PRKCD: variants seen among roughly 807,000 people sequenced by gnomAD.
PRKCD encodes protein kinase C delta, also known as protein kinase C delta type.
Under a neutral mutation model 82.2 loss-of-function variants are expected in PRKCD, and 20 were observed. The observed-to-expected ratio is 0.24, with a 90% CI of 0.17 to 0.35. The LOEUF (loss-of-function observed/expected upper bound fraction) is 0.35. PRKCD is among the 10% of genes least tolerant of loss of function. The pLI is 1.00. For missense variants in PRKCD, 607 were observed against 899.0 expected (o/e 0.68, Z 4.15); for synonymous variants, 317 against 337.0 (o/e 0.94, Z 0.65).
chr3:53,162,287 C>T (rs1401879397), intron 1 of PRKCD, among the ~76,000 whole-genome samples: 1 of 151,886 alleles, frequency 6.6e-6, no homozygotes, highest in Non-Finnish European at 1.5e-5. Context: ...GGGGGTCCTC[C>T]TGGCTGGTGG....
chr3:53,185,806 G>A lies in PRKCD; in HGVS notation c.985+106G>A, dbSNP rs782781348. ...CAAGTGAGACATGGAAGGAACCACC[G>A]GTCCTGGGGAGCGAGCCCCTTCCTC... On this transcript the variant is annotated intron_variant, in intron 11 of 18. Coordinates refer to ENST00000330452, the MANE Select transcript of PRKCD (RefSeq NM_006254.4). 6 of 1,516,920 alleles carry A rather than the reference G, an allele frequency of 4.0e-6. No homozygotes were observed. The Admixed American group carries it at 5.0e-5, about 13-fold the overall frequency. The allele number at this position is 1,516,920 out of a possible 1,614,324, so 94.0% of individuals were successfully genotyped here. A position where few individuals can be genotyped will look rare whatever the true frequency, so the allele number is the denominator to read the frequency against.
intron 18 of PRKCD, among the ~76,000 whole-genome samples, chr3:53,191,478 C>T (rs1445331571): frequency 6.6e-6 from 1 of 152,046 alleles, no homozygotes; most frequent in Non-Finnish European, 1.5e-5. Flanking sequence ...CAGTACAAGC[C>T]GAAATGATTG....
In PRKCD at chr3:53,188,113, G is replaced by A. The variant is rs186686581; in HGVS notation, c.1416-607G>A. Among the ~76,000 whole-genome samples, 633 of 148,484 alleles carry A rather than the reference G, an allele frequency of 4.3e-3. 32 individuals carry two copies. The South Asian group carries it at 0.093, about 22-fold the overall frequency. ...TGAGGCAGGAGAATTGCTTGAACCC[G>A]GGAGGCGGAGGTTGCAGTGAGCTGA... On this transcript the variant is annotated intron_variant, in intron 15 of 18. Coordinates refer to ENST00000330452, the MANE Select transcript of PRKCD (RefSeq NM_006254.4).
At chr3:53,186,457 T>TCC in intron 13 of PRKCD, 117 bp downstream of exon 13, 6 of 1,349,338 alleles carry the variant, frequency 4.4e-6, no homozygotes, top group Non-Finnish European at 5.2e-6. Flanking sequence ...GGCCATGCTT[T>TCC]CCCCCCTCAT....
At position 53,192,538 on chromosome 3, in the gene PRKCD, CAT is replaced by C. The variant is rs10600423; in HGVS notation, c.*286_*287del. On this transcript the variant is annotated 3_prime_UTR_variant, in exon 19 of 19. Coordinates refer to ENST00000330452, the MANE Select transcript of PRKCD (RefSeq NM_006254.4). ...TGAAAATATATATTATATACATAGA[CAT>C]ATATATATATATAATAGGCTGTATA... is the stretch of plus-strand genomic sequence containing the variant. 0.22 allele frequency: 38,965 copies of C among 176,160 alleles called. 4,550 individuals carry two copies. Among genetic ancestry groups the C allele is most frequent in the South Asian group, 0.3 (2,163 of 7,136 alleles). 10.9% of individuals were successfully genotyped at this position (176,160 alleles called of 1,614,324 possible). A position where few individuals can be genotyped will look rare whatever the true frequency, so the allele number is the denominator to read the frequency against.
chr3:53,163,338 G>A (rs1702737225), intron 1 of PRKCD, among the ~76,000 whole-genome samples: 1 of 151,764 alleles, frequency 6.6e-6, no homozygotes, highest in African/African-American at 2.4e-5. Context: ...CAAGGTGTGT[G>A]GTGACAGTGC....
intron 1 of PRKCD, among the ~76,000 whole-genome samples, chr3:53,164,812 G>A (rs1263568873): frequency 2.0e-5 from 3 of 152,260 alleles, no homozygotes; most frequent in South Asian, 4.2e-4. Flanking sequence ...ACAGACAGGA[G>A]GGTCAGGAAC....
Position 53,179,716 on chromosome 3 carries a change from C to G in PRKCD, c.255C>G (p.Thr85=). The change falls in exon 4 of 19, where the codon ACC becomes ACG. Residue 85 remains threonine (T), a synonymous_variant. Transcript: ENST00000330452. ...CAGAGGAGCCAGTGTCTGAGGTGAC[C>G]GTGGGTGTGTCGGTGCTGGCCGAGC... is the stretch of plus-strand genomic sequence containing the variant. ...RAAEEPVSEV[T]VGVSVLAERC... is the part of the protein sequence containing the mutation. 1 of 1,605,130 alleles carries G rather than the reference C, an allele frequency of 6.2e-7. No homozygotes were observed. The highest frequency in any genetic ancestry group is 8.5e-7 in the Non-Finnish European group (1 of 1,174,920).
chr3:53,183,347 G>C lies in PRKCD; in HGVS notation c.658-105G>C, dbSNP rs1454687682. On this transcript the variant is annotated intron_variant, in intron 8 of 18. Transcript: ENST00000330452. ...GTCTTTCCTTGCCTCTCCCAGTGGA[G>C]CTCTCTTGGGATGTTGTTGTGCCCA... 6 of 1,577,878 alleles carry C rather than the reference G, an allele frequency of 3.8e-6. No homozygotes were observed. In the East Asian group the frequency reaches 1.3e-4, roughly 35 times the overall value.
Position 53,186,668 on chromosome 3 carries a change from A to T in PRKCD, c.1325A>T (p.Lys442Ile). ...GGDLMYHIQD[K>I]GRFELYRATF... ...GACCTGATGTACCACATCCAGGACA[A>T]AGGCCGCTTTGAACTCTACCGTGCC... Residue 442 changes from lysine (K) to isoleucine (I), a missense_variant, in exon 14 of 19, where the codon AAA (lysine) becomes ATA (isoleucine). Lys to Ile is a moderately radical substitution (Grantham distance 102). This residue lies in a region of PRKCD where 251 missense variants were observed against 423.9 expected (regional missense o/e 0.59). Transcript: ENST00000330452. 1.9e-6 allele frequency: 3 copies of T among 1,614,016 alleles called. No individual in the cohort carries two copies. The highest frequency in any genetic ancestry group is 2.2e-5 in the South Asian group (2 of 91,068).
At chr3:53,184,333 TCAACAACAACAACAACAACAA>T (rs147569297) in intron 9 of PRKCD, among the ~76,000 whole-genome samples, 1 of 144,144 alleles carries the variant, frequency 6.9e-6, no homozygotes, top group African/African-American at 2.6e-5. Flanking sequence ...AGACTCCGTC[TCAACAACAACAACAACAACAA>T]CAACAACAAC....
At chr3:53,185,066 A>G in intron 10 of PRKCD, 92 bp downstream of exon 10, 1 of 1,187,492 alleles carries the variant, frequency 8.4e-7, no homozygotes, top group Non-Finnish European at 1.2e-6. Context: ...ACAGACAGCC[A>G]GGATATATTT....
At chr3:53,172,475 G>A (rs886401844) in intron 2 of PRKCD, among the ~76,000 whole-genome samples, 5 of 152,104 alleles carry the variant, frequency 3.3e-5, no homozygotes, top group Admixed American at 6.6e-5. Flanking sequence ...GGTCTCCTCC[G>A]CCCTCCTTTA....
chr3:53,188,674 G>A (rs781898949), intron 15 of PRKCD, 46 bp from the exon 16 acceptor site: 4 of 1,609,124 alleles, frequency 2.5e-6, no homozygotes, highest in South Asian at 2.2e-5. Flanking sequence ...GGGTTGGAAG[G>A]AGAAGAAATG....
In PRKCD at chr3:53,192,330, C is replaced by T; in HGVS notation, c.*64C>T. 6.4e-7 allele frequency: 1 copy of T among 1,573,822 alleles called. No homozygotes were observed. Among genetic ancestry groups the T allele is most frequent in the Non-Finnish European group, 8.7e-7 (1 of 1,146,620 alleles). On this transcript the variant is annotated 3_prime_UTR_variant, in exon 19 of 19. Coordinates refer to ENST00000330452, the MANE Select transcript of PRKCD (RefSeq NM_006254.4). ...ACACCTGCCCGCTCCCCACGATAAG[C>T]ACCAGTGGGACTGTGGTGACTTCTG...
chr3:53,183,786 G>A (rs782371409), intron 9 of PRKCD, among the ~76,000 whole-genome samples: 9 of 152,308 alleles, frequency 5.9e-5, no homozygotes, highest in South Asian at 2.1e-4. Flanking sequence ...ACAGGTGGGC[G>A]GCTCCACCCC....
At chr3:53,176,128 C>T (rs985221900) in intron 2 of PRKCD, among the ~76,000 whole-genome samples, 1 of 152,178 alleles carries the variant, frequency 6.6e-6, no homozygotes, top group Non-Finnish European at 1.5e-5. Context: ...CCCTGGCCCA[C>T]CAAGAGGTCA....
chr3:53,185,466 G>A (rs1043189233), intron 10 of PRKCD, 138 bp from the exon 11 acceptor site: 19 of 714,202 alleles, frequency 2.7e-5, no homozygotes, highest in South Asian at 1.4e-4. Flanking sequence ...CACGCAGCCC[G>A]AGTAGGGGGC....
chr3:53,189,769 C>A, intron 17 of PRKCD, 104 bp from the exon 18 acceptor site: 1 of 1,528,628 alleles, frequency 6.5e-7, no homozygotes, highest in Non-Finnish European at 8.9e-7. Context: ...CTGACTGGGG[C>A]TGGGGCAAGC....
Sources: gnomAD v4.1 joint callset for allele counts (sites outside exome capture counted in the v4.1 genomes callset) on GRCh38, gnomAD v4.1.1 for gene constraint, gnomAD v4.1.1 regional missense constraint, MANE v1.5 for transcripts, NCBI Gene and HGNC (gene_info 2026-07-23, HGNC 2026-07-21) for gene names.